RBAK: variants seen among roughly 807,000 people sequenced by gnomAD.
The protein encoded by RBAK is RB associated KRAB zinc finger.
In RBAK, 39 loss-of-function variants were observed where a neutral mutation model predicts 65.8. The ratio of observed to expected loss-of-function variants is 0.59; its 90% confidence interval spans 0.46 to 0.77. The LOEUF is 0.77. Ranked by LOEUF, RBAK falls within the 30% of genes least tolerant of loss-of-function variation. The probability of loss-of-function intolerance (pLI) is 0.00; values close to 1 mark genes in which losing one functional copy is unlikely to be tolerated. For missense variants in RBAK, 884 were observed against 855.1 expected, an observed-to-expected ratio of 1.03 and a Z score of -0.42; for synonymous variants, 343 against 289.7, an observed-to-expected ratio of 1.18 and a Z score of -1.87.
intron 4 of RBAK, among the ~76,000 whole-genome samples, chr7:5,060,834 T>G (rs972809056): frequency 6.6e-6 from 1 of 152,166 alleles, no homozygotes; most frequent in Non-Finnish European, 1.5e-5. Flanking sequence ...AGCTCAGAGA[T>G]GTTGTAGATT....
At position 5,063,916 on chromosome 7, in the gene RBAK, G is replaced by A. The variant is rs1256823553; in HGVS notation, c.460G>A (p.Asp154Asn). 1.2e-6 allele frequency: 2 copies of A among 1,613,952 alleles called. No homozygotes were observed. The highest frequency in any genetic ancestry group is 1.7e-6 in the Non-Finnish European group (2 of 1,179,902). ...LESISQLISS[D>N]GSYARTKPDE... ...ATCTATTTCGCAATTAATTAGTAGT[G>A]ATGGAAGCTATGCTAGGACAAAACC... is the stretch of plus-strand genomic sequence containing the variant. Residue 154 changes from aspartate (D) to asparagine (N), a missense_variant, in exon 5 of 5, where the codon GAT becomes AAT. By Grantham distance (23) the Asp-to-Asn change is conservative. Transcript: ENST00000396912.
Position 5,046,022 on chromosome 7 carries a change from C to G in RBAK, c.-419C>G. 1 of 272,758 alleles carries G rather than the reference C, an allele frequency of 3.7e-6. No homozygotes were observed. Among genetic ancestry groups the G allele is most frequent in the South Asian group, 3.1e-5 (1 of 32,660 alleles). The allele number at this position is 272,758 out of a possible 1,614,324, so 16.9% of individuals were successfully genotyped here. On this transcript the variant is annotated 5_prime_UTR_variant, in exon 1 of 5. Coordinates refer to ENST00000396912, the MANE Select transcript of RBAK (RefSeq NM_021163.4). The stretch of plus-strand genomic sequence containing the variant: ...TGTGCAGGCCAGGGTTCGCGCGGGC[C>G]GGGTGGAGGCTTGAGCGGGGACCCC...
intron 2 of RBAK, among the ~76,000 whole-genome samples, chr7:5,055,713 A>G (rs1264213832): frequency 1.3e-5 from 2 of 151,000 alleles, no homozygotes; most frequent in African/African-American, 4.9e-5. Flanking sequence ...TATGTTATTT[A>G]TTGGTTGATC....
At position 5,064,312 on chromosome 7, in the gene RBAK, G is replaced by A; in HGVS notation, c.856G>A (p.Glu286Lys). 1 of 1,614,162 alleles carries A rather than the reference G, an allele frequency of 6.2e-7. No homozygotes were observed. The highest frequency in any genetic ancestry group is 8.5e-7 in the Non-Finnish European group (1 of 1,180,022). ...FIIHQRAHTG[E>K]KPYECNVCGK... Reference sequence around the variant, plus strand: ...CATCCACCAGAGGGCTCACACAGGAGAGAAACCTTATGAATGTAATGTATG... The same window carrying A: ...CATCCACCAGAGGGCTCACACAGGAAAGAAACCTTATGAATGTAATGTATG... Residue 286 changes from glutamate (E) to lysine (K), a missense_variant, in exon 5 of 5, where the codon GAG (glutamate) becomes AAG (lysine). Coordinates refer to ENST00000396912, the MANE Select transcript of RBAK (RefSeq NM_021163.4). The surrounding 1 kb of genome is among the most constrained non-coding windows in gnomAD (Gnocchi z 6.3).
rs752576447 is a variant in RBAK at position 5,064,364 on chromosome 7, C to T, written c.908C>T (p.Thr303Ile). The change falls in exon 5 of 5, where the codon ACC (threonine) becomes ATC (isoleucine). Residue 303 changes from threonine (T) to isoleucine (I), a missense_variant. Coordinates refer to ENST00000396912, the MANE Select transcript of RBAK (RefSeq NM_021163.4). This position sits in a 1 kb window ranked among gnomAD's most constrained non-coding sequence, Gnocchi z 6.3. Reference protein sequence around the residue: ...VCGKSFSQKGTLTVHRRSHLE... With the variant: ...VCGKSFSQKGILTVHRRSHLE... ...GGGAAATCCTTCAGCCAAAAGGGAA[C>T]CCTCACTGTACATCGGAGATCACAC... The T allele has an allele frequency of 6.2e-7, 1 of 1,613,610 alleles. No individual in the cohort carries two copies. Among genetic ancestry groups the T allele is most frequent in the Non-Finnish European group, 8.5e-7 (1 of 1,179,892 alleles).
chr7:5,065,607 G>A lies in RBAK; in HGVS notation c.*6G>A. The stretch of plus-strand genomic sequence containing the variant: ...TTGATGTGGAAAATCTCTGAAGTCA[G>A]ATCTCAATTTTTAGAAAACTCTCTG... On this transcript the variant is annotated 3_prime_UTR_variant, in exon 5 of 5. Transcript: ENST00000396912. This position sits in a 1 kb window ranked among gnomAD's most constrained non-coding sequence, Gnocchi z 5.3. 2 of 1,490,488 alleles carry A rather than the reference G, an allele frequency of 1.3e-6. No individual in the cohort carries two copies. The highest frequency in any genetic ancestry group is 1.8e-4 in the Middle Eastern group (1 of 5,512). 92.3% of individuals were successfully genotyped at this position (1,490,488 alleles called of 1,614,324 possible). A position where few individuals can be genotyped will look rare whatever the true frequency, so the allele number is the denominator to read the frequency against.
Position 5,064,931 on chromosome 7 carries a change from A to G in RBAK, c.1475A>G (p.Lys492Arg), listed in dbSNP as rs747810750. Residue 492 changes from lysine to arginine, a missense_variant, in exon 5 of 5, where the codon AAG (lysine) becomes AGG (arginine). Physicochemically the swap from Lys to Arg is conservative, Grantham distance 26. Transcript: ENST00000396912. This position sits in a 1 kb window ranked among gnomAD's most constrained non-coding sequence, Gnocchi z 6.3. ...TCCCATGAATGTAGTGAATGTGGAA[A>G]GTTCTCTCAGTTGTATCTCACCGAC... ...EKSHECSECG[K>R]FSQLYLTDHH... is the part of the protein sequence containing the mutation. The G allele has an allele frequency of 1.1e-5, 18 of 1,614,120 alleles. No individual in the cohort carries two copies. In the South Asian group the frequency reaches 1.9e-4, roughly 17 times the overall value.
In RBAK at chr7:5,046,134, C is replaced by T. The variant is rs946417921; in HGVS notation, c.-307C>T. 1.9e-5 allele frequency: 6 copies of T among 323,476 alleles called. No homozygotes were observed. Among genetic ancestry groups the T allele is most frequent in the Non-Finnish European group, 3.0e-5 (5 of 169,186 alleles). 20.0% of individuals were successfully genotyped at this position (323,476 alleles called of 1,614,324 possible). The stretch of plus-strand genomic sequence containing the variant: ...GGTGGCGGCGGAGGCGAAGGGGCGG[C>T]GGGACGCGGGCCTGGCCCGTGTGTG... On this transcript the variant is annotated 5_prime_UTR_variant, in exon 1 of 5. Transcript: ENST00000396912.
In RBAK at chr7:5,064,269, T is replaced by C. The variant is rs145165135; in HGVS notation, c.813T>C (p.Cys271=). 6.8e-6 allele frequency: 11 copies of C among 1,613,906 alleles called. No homozygotes were observed. In the African/African-American group the frequency reaches 1.5e-4, roughly 22 times the overall value. ...GCAGTGAATGTGGAAAATCCTTCTG[T>C]AAAAAGTCAAAATTCATCATCCACC... The part of the protein sequence containing the change: ...FECSECGKSF[C]KKSKFIIHQR... The change falls in exon 5 of 5, where the codon TGT becomes TGC. Residue 271 remains cysteine, a synonymous_variant. Transcript: ENST00000396912. This position sits in a 1 kb window ranked among gnomAD's most constrained non-coding sequence, Gnocchi z 6.3.
In RBAK at chr7:5,057,328, T is replaced by A. The variant is rs1778952647; in HGVS notation, c.49T>A (p.Phe17Ile). 2.5e-6 allele frequency: 4 copies of A among 1,614,030 alleles called. No individual in the cohort carries two copies. In the South Asian group the frequency reaches 4.4e-5, roughly 18 times the overall value. Residue 17 changes from phenylalanine (F) to isoleucine (I), a missense_variant, in exon 3 of 5, where the codon TTC (phenylalanine) becomes ATC (isoleucine). Physicochemically the swap from Phe to Ile is conservative, Grantham distance 21. Coordinates refer to ENST00000396912, the MANE Select transcript of RBAK (RefSeq NM_021163.4). ...GTCATTCAAAGATGTGGCTGTGGAT[T>A]TCACCCAGGAGGAGTGGCAGCAGCT... is the stretch of plus-strand genomic sequence containing the variant. Reference protein sequence around the residue: ...PVSFKDVAVDFTQEEWQQLDP... With the variant: ...PVSFKDVAVDITQEEWQQLDP...
rs562359843 is a variant in RBAK at position 5,046,394 on chromosome 7, A to G, written c.-47A>G. Reference sequence around the variant, plus strand: ...GGGGCAGAGGCTGCGGAGCCCCAGAAGGGTAGGTCTTGGGTTTTCGGGCCC... The same window carrying G: ...GGGGCAGAGGCTGCGGAGCCCCAGAGGGGTAGGTCTTGGGTTTTCGGGCCC... On this transcript the variant is annotated splice_region_variant and 5_prime_UTR_variant, in exon 1 of 5. Transcript: ENST00000396912. 1.9e-6 allele frequency: 1 copy of G among 515,662 alleles called. No homozygotes were observed. Among genetic ancestry groups the G allele is most frequent in the East Asian group, 5.5e-5 (1 of 18,302 alleles). The allele number at this position is 515,662 out of a possible 1,614,324, so 31.9% of individuals were successfully genotyped here.
intron 2 of RBAK, among the ~76,000 whole-genome samples, chr7:5,050,934 A>G (rs2115027544): frequency 6.6e-6 from 1 of 152,310 alleles, no homozygotes; most frequent in East Asian, 1.9e-4. Context: ...TGCAGGAAAG[A>G]CAGTTTCTAA....
rs1031295156 is a variant in RBAK at position 5,066,603 on chromosome 7, G to A, written c.*1002G>A. The A allele has an allele frequency of 3.9e-5, 6 of 152,086 alleles. No individual in the cohort carries two copies. The highest frequency in any genetic ancestry group is 1.4e-4 in the African/African-American group (6 of 41,416). 9.4% of individuals were successfully genotyped at this position (152,086 alleles called of 1,614,324 possible). ...AACTTCTGTTTGGTACAAATACAGTGTCATTGTTTTGTGCATTCTCCTTTT... is the reference window on the plus strand; with the variant it reads ...AACTTCTGTTTGGTACAAATACAGTATCATTGTTTTGTGCATTCTCCTTTT... On this transcript the variant is annotated 3_prime_UTR_variant, in exon 5 of 5. Transcript: ENST00000396912.
intron 4 of RBAK, among the ~76,000 whole-genome samples, chr7:5,062,264 A>G (rs971738013): frequency 5.9e-5 from 9 of 151,974 alleles, no homozygotes; most frequent in African/African-American, 2.2e-4. Context: ...GTTCTTTTCT[A>G]TTTTCCCTAA....
rs201991003 is a variant in RBAK at position 5,057,763 on chromosome 7, A to G, written c.222A>G (p.Pro74=). 1.9e-4 allele frequency: 311 copies of G among 1,613,906 alleles called. 1 individual carries two copies. Among genetic ancestry groups the G allele is most frequent in the Non-Finnish European group, 2.6e-5 (31 of 1,179,816 alleles). ...EEPWIMGGEF[P]CQHSPEAWRV... ...CGTGGATAATGGGAGGTGAATTTCC[A>G]TGTCAACATAGTCCAGGTAAGTTAG... is the stretch of plus-strand genomic sequence containing the variant. Residue 74 remains proline (P), a synonymous_variant, in exon 4 of 5, where the codon CCA becomes CCG. Coordinates refer to ENST00000396912, the MANE Select transcript of RBAK (RefSeq NM_021163.4).
rs1468326120 is a variant in RBAK, at chr7:5,067,033, G to A, written c.*1432G>A. The A allele has an allele frequency of 6.6e-6, 1 of 152,070 alleles. No homozygotes were observed. The highest frequency in any genetic ancestry group is 1.5e-5 in the Non-Finnish European group (1 of 67,976). The allele number at this position is 152,070 out of a possible 1,614,324, so 9.4% of individuals were successfully genotyped here. ...TTCGTTTATGATCTTAGCAAATGAT[G>A]GATTGAAAGGGACTTACTTAACTGC... On this transcript the variant is annotated 3_prime_UTR_variant, in exon 5 of 5. Transcript: ENST00000396912.
chr7:5,051,355 T>TA (rs1788113866), intron 2 of RBAK, among the ~76,000 whole-genome samples: 1 of 152,068 alleles, frequency 6.6e-6, no homozygotes, highest in African/African-American at 2.4e-5. Flanking sequence ...TTTTTATATA[T>TA]TTTTTTTCTG....
Position 5,064,650 on chromosome 7 carries a change from G to A in RBAK, c.1194G>A (p.Glu398=), listed in dbSNP as rs141900000. The A allele has an allele frequency of 1.1e-4, 177 of 1,611,872 alleles. No homozygotes were observed. Among genetic ancestry groups the A allele is most frequent in the Non-Finnish European group, 1.5e-4 (174 of 1,178,420 alleles). ...LSDHQRTHTG[E]KLYKCNECGK... is the part of the protein sequence containing the mutation. ...ACCATCAGAGAACTCACACGGGAGA[G>A]AAGCTTTATAAATGTAATGAATGTG... The change falls in exon 5 of 5, where the codon GAG becomes GAA. Residue 398 remains glutamate (E), a synonymous_variant. Transcript: ENST00000396912. This position sits in a 1 kb window ranked among gnomAD's most constrained non-coding sequence, Gnocchi z 6.3.
intron 2 of RBAK, among the ~76,000 whole-genome samples, chr7:5,051,407 T>C (rs28564852): frequency 0.36 from 55,428 of 151,946 alleles, 10,637 homozygotes; most frequent in East Asian, 0.55. Flanking sequence ...CCTCTTTACC[T>C]TATAAAGTTT....
Sources: gnomAD v4.1 joint callset for allele counts (sites outside exome capture counted in the v4.1 genomes callset) on GRCh38, gnomAD v4.1.1 for gene constraint, Gnocchi (gnomAD v3.1) non-coding constraint, MANE v1.5 for transcripts, NCBI Gene and HGNC (gene_info 2026-07-23, HGNC 2026-07-21) for gene names.